The following PHC2 variants were observed in gnomAD, a reference collection of about 807,000 sequenced individuals.
The protein encoded by PHC2 is polyhomeotic-like protein 2.
A neutral mutation model predicts 87.4 loss-of-function variants in PHC2; 29 were observed. That is an observed-to-expected ratio of 0.33 (90% CI 0.25 to 0.45). The LOEUF is 0.45. PHC2 is among the 20% of genes least tolerant of loss of function. The probability of loss-of-function intolerance (pLI) is 1.00; values close to 1 mark genes in which losing one functional copy is unlikely to be tolerated. For synonymous variants in PHC2, 438 were observed against 461.7 expected (o/e 0.95, Z 0.66); for missense variants, 857 against 1,136.7 (o/e 0.75, Z 3.54).
intron 1 of PHC2, among the ~76,000 whole-genome samples, chr1:33,384,142 T>C (rs1451283483): frequency 6.6e-6 from 1 of 152,220 alleles, no homozygotes; most frequent in Non-Finnish European, 1.5e-5. Context: ...TGGCTTTGTA[T>C]GCTCCAAGGC....
chr1:33,404,227 C>A (rs1649661668), intron 1 of PHC2, among the ~76,000 whole-genome samples: 1 of 152,208 alleles, frequency 6.6e-6, no homozygotes, highest in Non-Finnish European at 1.5e-5. Context: ...GACAATTTTA[C>A]TTGATTAAAA....
At chr1:33,372,203 C>T (rs1557838192) in intron 3 of PHC2, 86 bp downstream of exon 3, 10 of 1,327,156 alleles carry the variant, frequency 7.5e-6, no homozygotes, top group South Asian at 6.1e-5. Flanking sequence ...GGATGTGAAG[C>T]GCAGGTGCGG....
At chr1:33,343,629 C>G (rs923521419) in intron 9 of PHC2, among the ~76,000 whole-genome samples, 11 of 152,186 alleles carry the variant, frequency 7.2e-5, no homozygotes, top group Admixed American at 3.3e-4. Flanking sequence ...AGGCACAACA[C>G]ACTGGACTAG....
chr1:33,419,068 T>C (rs566615419), intron 1 of PHC2, among the ~76,000 whole-genome samples: 1 of 152,306 alleles, frequency 6.6e-6, no homozygotes, highest in South Asian at 2.1e-4. Context: ...GCACTTCCCA[T>C]TTAAAACAGA....
At chr1:33,360,573 T>C (rs1647178781) in intron 7 of PHC2, among the ~76,000 whole-genome samples, 1 of 152,258 alleles carries the variant, frequency 6.6e-6, no homozygotes, top group Admixed American at 6.5e-5. Context: ...GACTATTTTG[T>C]TTAAACCACA....
At position 33,382,555 on chromosome 1, in the gene PHC2, G is replaced by A. The variant is rs1231180354; in HGVS notation, c.-54-6962C>T. 6.6e-6 allele frequency among the ~76,000 whole-genome samples: 1 copy of A among 152,118 alleles called. No individual in the cohort carries two copies. Among genetic ancestry groups the A allele is most frequent in the African/African-American group, 2.4e-5 (1 of 41,416 alleles). On this transcript the variant is annotated intron_variant, in intron 1 of 14. Transcript: ENST00000683057. This position sits in a 1 kb window ranked among gnomAD's most constrained non-coding sequence, Gnocchi z 4.3. ...GGCTAACATCAAGAACTAGAAGTCT[G>A]TTTTTCTCTGGGTTCCTACTCACTG...
intron 14 of PHC2, among the ~76,000 whole-genome samples, chr1:33,326,999 G>A (rs775105808): frequency 7.9e-5 from 12 of 152,248 alleles, no homozygotes; most frequent in South Asian, 2.1e-4. Context: ...AAAGGAGGAA[G>A]CAGGCTGAGA....
rs540452783 is a variant in PHC2, at chr1:33,387,416, T to G, written c.-54-11823A>C. Among the ~76,000 whole-genome samples the G allele has an allele frequency of 1.6e-4, 25 of 152,292 alleles. No homozygotes were observed. In the South Asian group the frequency reaches 5.2e-3, roughly 32 times the overall value. On this transcript the variant is annotated intron_variant, in intron 1 of 14. Transcript: ENST00000683057. The stretch of plus-strand genomic sequence containing the variant: ...GGGCTTTAAGCTCTTTGATATATTC[T>G]AAAGAGAGACTGCCAGGGATAGATG...
intron 7 of PHC2, among the ~76,000 whole-genome samples, chr1:33,357,676 C>T (rs772429996): frequency 2.6e-4 from 39 of 152,170 alleles, no homozygotes; most frequent in Non-Finnish European, 4.1e-4. Flanking sequence ...GCTGTGTCTC[C>T]TTATCTCACA....
chr1:33,424,004 G>A (rs1055467272), intron 1 of PHC2, among the ~76,000 whole-genome samples: 8 of 127,870 alleles, frequency 6.3e-5, no homozygotes, highest in Non-Finnish European at 8.1e-5. Context: ...GCTGAGGCAG[G>A]AGAATCGCTT....
In PHC2 at chr1:33,334,209, T is replaced by C. The variant is rs990272636; in HGVS notation, c.1642A>G (p.Ile548Val). The change falls in exon 10 of 15, where the codon ATC becomes GTC. Residue 548 changes from isoleucine to valine, a missense_variant. Ile to Val is a conservative substitution (Grantham distance 29, BLOSUM62 3). This residue lies in a region of PHC2 where 832 missense variants were observed against 1,081.8 expected (regional missense o/e 0.77). Transcript: ENST00000683057. The surrounding 1 kb of genome is among the most constrained non-coding windows in gnomAD (Gnocchi z 5.5). The stretch of plus-strand genomic sequence containing the variant: ...CCATTCTGGGGGGCAGTGCCGGCGA[T>C]GCTGGAGGCAGAGTTTCCGTTCCCT... Reference protein sequence around the residue: ...TSGNGNSASSIAGTAPQNGEN... With the variant: ...TSGNGNSASSVAGTAPQNGEN... 23 of 1,612,868 alleles carry C rather than the reference T, an allele frequency of 1.4e-5. No individual in the cohort carries two copies. The highest frequency in any genetic ancestry group is 1.7e-5 in the Non-Finnish European group (20 of 1,179,704).
intron 1 of PHC2, among the ~76,000 whole-genome samples, chr1:33,412,554 T>C (rs1172761417): frequency 6.6e-6 from 1 of 152,204 alleles, no homozygotes; most frequent in African/African-American, 2.4e-5. Context: ...TGATCACTGA[T>C]TGCCCTAATA....
At position 33,330,219 on chromosome 1, in the gene PHC2, G is replaced by A. The variant is rs1282323251; in HGVS notation, c.2007-7C>T. The A allele has an allele frequency of 3.7e-6, 6 of 1,613,818 alleles. No individual in the cohort carries two copies. Among genetic ancestry groups the A allele is most frequent in the Non-Finnish European group, 5.1e-6 (6 of 1,179,944 alleles). On this transcript the variant is annotated splice_region_variant and splice_polypyrimidine_tract_variant and intron_variant, in intron 12 of 14. Transcript: ENST00000683057. ...GGTGCATCCCACGTTGTACCTTCAGGGACAGGGGAACAGGGGATGTCACAG... is the reference window on the plus strand; with the variant it reads ...GGTGCATCCCACGTTGTACCTTCAGAGACAGGGGAACAGGGGATGTCACAG...
chr1:33,357,939 A>G (rs1222053690), intron 7 of PHC2, among the ~76,000 whole-genome samples: 1 of 152,174 alleles, frequency 6.6e-6, no homozygotes, highest in African/African-American at 2.4e-5. Flanking sequence ...AGATGGTTCC[A>G]GGTCAGGGAG....
At chr1:33,388,449 G>A (rs1426987179) in intron 1 of PHC2, among the ~76,000 whole-genome samples, 3 of 151,268 alleles carry the variant, frequency 2.0e-5, no homozygotes, top group East Asian at 1.9e-4. Context: ...TCAGCCTCCC[G>A]AGTAGCTGGG....
intron 14 of PHC2, among the ~76,000 whole-genome samples, chr1:33,327,710 G>A (rs778870245): frequency 9.9e-5 from 15 of 152,232 alleles, no homozygotes; most frequent in Non-Finnish European, 2.1e-4. Context: ...TGCATATCAT[G>A]AGAACACTCG....
At chr1:33,389,070 A>AAG (rs1397273627) in intron 1 of PHC2, among the ~76,000 whole-genome samples, 1 of 136,864 alleles carries the variant, frequency 7.3e-6, no homozygotes, top group Non-Finnish European at 1.6e-5. Context: ...AAAAAAAAAA[A>AAG]AAAAAGAAAG....
At chr1:33,393,912 C>T (rs896380077) in intron 1 of PHC2, among the ~76,000 whole-genome samples, 1 of 152,164 alleles carries the variant, frequency 6.6e-6, no homozygotes, top group Non-Finnish European at 1.5e-5. Flanking sequence ...GTGGTGACAG[C>T]TCTCCAACCT....
chr1:33,394,143 A>G lies in PHC2; in HGVS notation c.-54-18550T>C, dbSNP rs1218800975. Reference sequence around the variant, plus strand: ...CATAGCCTTGGAATACATAACAGAAACCATATTTTACAGAAAAGGACACTG... The same window carrying G: ...CATAGCCTTGGAATACATAACAGAAGCCATATTTTACAGAAAAGGACACTG... On this transcript the variant is annotated intron_variant, in intron 1 of 14. Coordinates refer to ENST00000683057, the MANE Select transcript of PHC2 (RefSeq NM_001385109.1). Among the ~76,000 whole-genome samples, 3 of 152,278 alleles carry G rather than the reference A, an allele frequency of 2.0e-5. No individual in the cohort carries two copies. The East Asian group carries it at 5.8e-4, about 29-fold the overall frequency.
Sources: gnomAD v4.1 joint callset for allele counts (sites outside exome capture counted in the v4.1 genomes callset) on GRCh38, gnomAD v4.1.1 for gene constraint, gnomAD v4.1.1 regional missense constraint, Gnocchi (gnomAD v3.1) non-coding constraint, MANE v1.5 for transcripts, NCBI Gene and HGNC (gene_info 2026-07-23, HGNC 2026-07-21) for gene names.